The following DLGAP2 variants were observed in gnomAD, a reference collection of about 807,000 sequenced individuals.
DLGAP2 encodes the protein disks large-associated protein 2.
Under a neutral mutation model 100.3 loss-of-function variants are expected in DLGAP2, and 26 were observed. That is an observed-to-expected ratio of 0.26 (90% CI 0.19 to 0.36). DLGAP2 has a LOEUF of 0.36. Ranked by LOEUF, DLGAP2 falls within the 10% of genes least tolerant of loss-of-function variation. DLGAP2 has a pLI of 1.00. For synonymous variants in DLGAP2, 886 were observed against 630.1 expected, an observed-to-expected ratio of 1.41 and a Z score of -6.08; for missense variants, 1,858 against 1,453.2, an observed-to-expected ratio of 1.28 and a Z score of -4.53.
intron 3 of DLGAP2, among the ~76,000 whole-genome samples, chr8:1,480,355 A>C (rs1799057490): frequency 6.6e-6 from 1 of 151,930 alleles, no homozygotes. Flanking sequence ...CTCAGTGCTG[A>C]CTCTGTCTTT....
chr8:1,496,446 G>A (rs1316465183), intron 3 of DLGAP2, among the ~76,000 whole-genome samples: 5 of 152,112 alleles, frequency 3.3e-5, no homozygotes, highest in Non-Finnish European at 7.4e-5. Context: ...CTGGGCCCGG[G>A]CCTCTGAGGA....
chr8:1,587,784 G>A (rs1015254755), intron 6 of DLGAP2, among the ~76,000 whole-genome samples: 2 of 151,950 alleles, frequency 1.3e-5, no homozygotes, highest in Non-Finnish European at 2.9e-5. Flanking sequence ...CTCTTTTCAG[G>A]CCCTGCTTTT....
At chr8:1,223,130 G>A (rs1798349716) in intron 2 of DLGAP2, among the ~76,000 whole-genome samples, 1 of 152,152 alleles carries the variant, frequency 6.6e-6, no homozygotes, top group Admixed American at 6.5e-5. Context: ...TGAAGAGTGG[G>A]CCACTCCATG....
At chr8:1,371,377 C>A (rs1341875738) in intron 3 of DLGAP2, among the ~76,000 whole-genome samples, 1 of 152,192 alleles carries the variant, frequency 6.6e-6, no homozygotes, top group Non-Finnish European at 1.5e-5. Flanking sequence ...AGGTTCAGAG[C>A]AGTTGTCCGC....
At chr8:984,203 T>G (rs1301527797) in intron 2 of DLGAP2, among the ~76,000 whole-genome samples, 1 of 152,136 alleles carries the variant, frequency 6.6e-6, no homozygotes, top group Admixed American at 6.5e-5. Context: ...TCTAGCCCAG[T>G]TTTGCCGACA....
intron 2 of DLGAP2, among the ~76,000 whole-genome samples, chr8:965,264 A>G (rs1356484608): frequency 7.5e-5 from 9 of 120,380 alleles, no homozygotes; most frequent in East Asian, 5.5e-4. Flanking sequence ...TCCTGAGCCC[A>G]ACCCCCGCGT....
intron 1 of DLGAP2, among the ~76,000 whole-genome samples, chr8:875,984 A>G (rs1201918354): frequency 6.6e-6 from 1 of 152,212 alleles, no homozygotes; most frequent in Admixed American, 6.5e-5. Flanking sequence ...ACGCAACAGC[A>G]CATTGTTATA....
chr8:1,023,867 G>GTGTGTT (rs1801700598), intron 2 of DLGAP2, among the ~76,000 whole-genome samples: 1 of 149,706 alleles, frequency 6.7e-6, no homozygotes, highest in African/African-American at 2.5e-5. Flanking sequence ...ATGTGTGTGT[G>GTGTGTT]TGTGTGTGTG....
chr8:1,283,744 A>G (rs1799868374), intron 3 of DLGAP2, among the ~76,000 whole-genome samples: 2 of 152,230 alleles, frequency 1.3e-5, no homozygotes. Flanking sequence ...TACAATCCAT[A>G]AAAATAAGTA....
rs1014047412 is a variant in DLGAP2, at chr8:1,617,895, A to C, written c.1443-8845A>C. Among the ~76,000 whole-genome samples the C allele has an allele frequency of 2.0e-5, 3 of 152,272 alleles. No homozygotes were observed. In the East Asian group the frequency reaches 5.8e-4, roughly 29 times the overall value. Reference sequence around the variant, plus strand: ...ATATGAATAGGACATATGGAAAACAACAGTAAAATGGTAGGCTTCAACCCA... The same window carrying C: ...ATATGAATAGGACATATGGAAAACACCAGTAAAATGGTAGGCTTCAACCCA... On this transcript the variant is annotated intron_variant, in intron 6 of 14. Coordinates refer to ENST00000637795, the MANE Select transcript of DLGAP2 (RefSeq NM_001346810.2).
At chr8:1,384,329 C>T (rs1796164910) in intron 3 of DLGAP2, among the ~76,000 whole-genome samples, 1 of 148,676 alleles carries the variant, frequency 6.7e-6, no homozygotes, top group Non-Finnish European at 1.5e-5. Context: ...TGCACAGTTA[C>T]CCCGGCCTGT....
At chr8:1,683,024 G>GACGA (rs1384697291) in intron 12 of DLGAP2, among the ~76,000 whole-genome samples, 2 of 151,152 alleles carry the variant, frequency 1.3e-5, no homozygotes, top group Non-Finnish European at 3.0e-5. Flanking sequence ...GATTACTTAC[G>GACGA]ACGAAGCAAG....
At chr8:1,359,850 G>A (rs1391910610) in intron 3 of DLGAP2, among the ~76,000 whole-genome samples, 1 of 152,236 alleles carries the variant, frequency 6.6e-6, no homozygotes, top group African/African-American at 2.4e-5. Context: ...AGCCTTGCTA[G>A]ATGAAGATAC....
At position 1,655,455 on chromosome 8, in the gene DLGAP2, C is replaced by T. The variant is rs562238476; in HGVS notation, c.1811-12874C>T. Among the ~76,000 whole-genome samples, 33 of 152,248 alleles carry T rather than the reference C, an allele frequency of 2.2e-4. 1 individual carries two copies. The South Asian group carries it at 6.4e-3, about 30-fold the overall frequency. On this transcript the variant is annotated intron_variant, in intron 8 of 14. Transcript: ENST00000637795. ...ATTCAAATAGAATGGCAATGCTTGC[C>T]ATTCAAGGGATATTTTATCTTGATT...
chr8:1,166,123 C>G (rs1310010138), intron 2 of DLGAP2, among the ~76,000 whole-genome samples: 2 of 152,214 alleles, frequency 1.3e-5, no homozygotes, highest in Admixed American at 6.5e-5. Flanking sequence ...CTACTCCGTG[C>G]CAGGGCATCA....
At chr8:1,321,812 C>G (rs767463332) in intron 3 of DLGAP2, among the ~76,000 whole-genome samples, 1 of 152,086 alleles carries the variant, frequency 6.6e-6, no homozygotes. Flanking sequence ...AAAGAATGTG[C>G]TTGGTGATTA....
At chr8:769,499 C>A (rs563939100) in intron 1 of DLGAP2, among the ~76,000 whole-genome samples, 2 of 152,216 alleles carry the variant, frequency 1.3e-5, no homozygotes, top group African/African-American at 4.8e-5. Flanking sequence ...ATGTAATTTT[C>A]CCTTTTAGTG....
At chr8:1,453,096 G>A (rs1216386946) in intron 3 of DLGAP2, among the ~76,000 whole-genome samples, 2 of 152,140 alleles carry the variant, frequency 1.3e-5, no homozygotes, top group African/African-American at 2.4e-5. Flanking sequence ...GAAATCCCTT[G>A]TAGAGGAGAC....
At chr8:1,072,088 G>C (rs1585033762) in intron 2 of DLGAP2, among the ~76,000 whole-genome samples, 1 of 152,236 alleles carries the variant, frequency 6.6e-6, no homozygotes, top group Non-Finnish European at 1.5e-5. Flanking sequence ...CTGCCATGAA[G>C]TCGTGCTTAG....
Sources: gnomAD v4.1 joint callset for allele counts (sites outside exome capture counted in the v4.1 genomes callset) on GRCh38, gnomAD v4.1.1 for gene constraint, MANE v1.5 for transcripts, NCBI Gene and HGNC (gene_info 2026-07-23, HGNC 2026-07-21) for gene names.